Variants in LOXHD1 observed in about 807,000 individuals in gnomAD.
The protein encoded by LOXHD1 is lipoxygenase homology PLAT domains 1.
Under a neutral mutation model 248.2 loss-of-function variants are expected in LOXHD1, and 205 were observed. That is an observed-to-expected ratio of 0.83 (90% confidence interval 0.74 to 0.93). The LOEUF (loss-of-function observed/expected upper bound fraction) is 0.93. Among genes scored for constraint, LOXHD1 ranks in the 40% least tolerant of loss-of-function variants. The probability of loss-of-function intolerance (pLI) is 0.00; values close to 1 mark genes in which losing one functional copy is unlikely to be tolerated. For synonymous variants in LOXHD1, 1,113 were observed against 1,162.8 expected, an observed-to-expected ratio of 0.96 and a Z score of 0.87; for missense variants, 2,930 against 2,971.6, an observed-to-expected ratio of 0.99 and a Z score of 0.33.
At chr18:46,479,690 C>T (rs1036885142) in intron 40 of LOXHD1, among the ~76,000 whole-genome samples, 4 of 150,502 alleles carry the variant, frequency 2.7e-5, no homozygotes, top group Non-Finnish European at 4.4e-5. Flanking sequence ...CTAACAACTT[C>T]AGGAATGCAA....
chr18:46,611,220 T>C (rs992082010), intron 5 of LOXHD1, among the ~76,000 whole-genome samples: 35 of 152,326 alleles, frequency 2.3e-4, no homozygotes, highest in African/African-American at 8.4e-4. Context: ...TGCCTTGCTT[T>C]TGCCAGTTGC....
At chr18:46,634,629 C>T (rs1389516032) in intron 4 of LOXHD1, among the ~76,000 whole-genome samples, 1 of 152,130 alleles carries the variant, frequency 6.6e-6, no homozygotes, top group Non-Finnish European at 1.5e-5. Flanking sequence ...TCTCAGTAGG[C>T]CTATGCAAGC....
chr18:46,602,995 A>G (rs757115489), intron 7 of LOXHD1, among the ~76,000 whole-genome samples: 3 of 152,140 alleles, frequency 2.0e-5, no homozygotes, highest in Admixed American at 1.3e-4. Flanking sequence ...CAAACTTTTC[A>G]TCTGTAGATG....
chr18:46,516,675 T>C (rs2035265897), intron 34 of LOXHD1, among the ~76,000 whole-genome samples: 1 of 150,592 alleles, frequency 6.6e-6, no homozygotes, highest in Admixed American at 6.6e-5. Context: ...CCATCACAAT[T>C]ATCATCCCTA....
chr18:46,580,390 A>G (rs2365672), intron 12 of LOXHD1, among the ~76,000 whole-genome samples: 220 of 152,382 alleles, frequency 1.4e-3, no homozygotes, highest in African/African-American at 4.9e-3. Context: ...CATGCCAGTA[A>G]GCAGAGAGAA....
At chr18:46,630,999 G>C (rs1301755801) in intron 4 of LOXHD1, among the ~76,000 whole-genome samples, 1 of 152,064 alleles carries the variant, frequency 6.6e-6, no homozygotes, top group Non-Finnish European at 1.5e-5. Context: ...TGCCCCTTTG[G>C]AAAGCTCTTT....
chr18:46,610,591 A>G (rs2038491884), intron 6 of LOXHD1, among the ~76,000 whole-genome samples, 185 bp downstream of exon 6: 1 of 152,190 alleles, frequency 6.6e-6, no homozygotes, highest in African/African-American at 2.4e-5. Context: ...TCCTGTGAAG[A>G]TGGTAACGTG....
chr18:46,539,805 A>G (rs927153158), intron 25 of LOXHD1, among the ~76,000 whole-genome samples: 1 of 152,226 alleles, frequency 6.6e-6, no homozygotes, highest in African/African-American at 2.4e-5. Context: ...ATTTAAGAAA[A>G]AAAAGAAGAA....
At chr18:46,644,357 A>G (rs552811645) in intron 2 of LOXHD1, among the ~76,000 whole-genome samples, 3 of 152,324 alleles carry the variant, frequency 2.0e-5, no homozygotes, top group African/African-American at 7.2e-5. Flanking sequence ...AAGTTCCAGA[A>G]AAGAAGCTCC....
rs139993408 is a variant in LOXHD1 at position 46,607,490 on chromosome 18, GAT to G, written c.760-3263_760-3262del. On this transcript the variant is annotated intron_variant, in intron 6 of 40. Transcript: ENST00000642948. ...TGATACATATATATAGGTGATAAGTGATATATATATATTAATTAATAGAAAAA... is the reference window on the plus strand; with the variant it reads ...TGATACATATATATAGGTGATAAGTGATATATATATTAATTAATAGAAAAA... Among the ~76,000 whole-genome samples, 985 of 149,996 alleles carry G rather than the reference GAT, an allele frequency of 6.6e-3. 10 individuals carry two copies. Among genetic ancestry groups the G allele is most frequent in the African/African-American group, 0.023 (937 of 40,934 alleles).
chr18:46,529,230 C>CA lies in LOXHD1; in HGVS notation c.4476_4477insT (p.Glu1493Ter), dbSNP rs763478051. 9 of 1,551,522 alleles carry CA rather than the reference C, an allele frequency of 5.8e-6. No individual in the cohort carries two copies. Among genetic ancestry groups the CA allele is most frequent in the Non-Finnish European group, 7.8e-6 (9 of 1,146,986 alleles). On this transcript the variant is annotated frameshift_variant, in exon 29 of 41. Coordinates refer to ENST00000642948, the MANE Select transcript of LOXHD1 (RefSeq NM_001384474.1). LOFTEE classifies it high-confidence loss of function. ...TTCTCTGACTTGCCAAGGTATCGCT[C>CA]CCCAGTGTCCCCGAGGTCTCCATAG...
intron 1 of LOXHD1, among the ~76,000 whole-genome samples, chr18:46,655,632 C>G (rs566599493): frequency 2.6e-5 from 4 of 152,292 alleles, no homozygotes; most frequent in Middle Eastern, 3.4e-3. Context: ...CTACTACAGC[C>G]CCCCCTTCTA....
At chr18:46,543,872 T>C (rs948985385) in intron 23 of LOXHD1, among the ~76,000 whole-genome samples, 10 of 152,260 alleles carry the variant, frequency 6.6e-5, no homozygotes, top group African/African-American at 1.9e-4. Context: ...TGGGGAAACA[T>C]GGGATTTCCT....
At position 46,560,138 on chromosome 18, in the gene LOXHD1, C is replaced by T; in HGVS notation, c.3006G>A (p.Lys1002=). ...ACTCCACGACAAGTTCGTTGTCCTC[C>T]TTGCCCCGGGCCAGCCAGCGGTGGG... ...FEAHRWLARG[K]EDNELVVELV... is the part of the protein sequence containing the mutation. The change falls in exon 19 of 41, where the codon AAG becomes AAA. Residue 1002 remains lysine (K), a synonymous_variant. Transcript: ENST00000642948. 2 of 1,551,194 alleles carry T rather than the reference C, an allele frequency of 1.3e-6. No individual in the cohort carries two copies. Among genetic ancestry groups the T allele is most frequent in the Non-Finnish European group, 8.7e-7 (1 of 1,146,798 alleles).
chr18:46,528,831 G>T (rs555036456), intron 29 of LOXHD1, among the ~76,000 whole-genome samples: 1 of 152,280 alleles, frequency 6.6e-6, no homozygotes, highest in African/African-American at 2.4e-5. Context: ...CTGCCATTCT[G>T]CAGTGTTCAC....
chr18:46,656,633 C>T (rs1158626195), intron 1 of LOXHD1, among the ~76,000 whole-genome samples: 3 of 152,184 alleles, frequency 2.0e-5, no homozygotes, highest in Non-Finnish European at 4.4e-5. Context: ...GAACATGGGG[C>T]CATGGGGGCA....
At chr18:46,495,105 C>T (rs1314022801) in intron 37 of LOXHD1, among the ~76,000 whole-genome samples, 3 of 152,130 alleles carry the variant, frequency 2.0e-5, no homozygotes, top group Non-Finnish European at 2.9e-5. Flanking sequence ...CCACCAGCCT[C>T]GGCCTCCCAA....
intron 4 of LOXHD1, among the ~76,000 whole-genome samples, chr18:46,624,086 T>A (rs1192219772): frequency 6.6e-6 from 1 of 152,204 alleles, no homozygotes; most frequent in Non-Finnish European, 1.5e-5. Context: ...CTTTCGCCCA[T>A]CCCCAGATCC....
At chr18:46,501,130 C>G (rs915591787) in intron 37 of LOXHD1, among the ~76,000 whole-genome samples, 3 of 152,318 alleles carry the variant, frequency 2.0e-5, no homozygotes, top group Non-Finnish European at 4.4e-5. Context: ...TATAGTTGAT[C>G]TTCGTTATTC....
Sources: allele counts gnomAD v4.1 joint callset (sites outside exome capture counted in the v4.1 genomes callset), GRCh38; gene constraint gnomAD v4.1.1; transcripts MANE v1.5; gene names NCBI Gene and HGNC (gene_info 2026-07-23, HGNC 2026-07-21).